The following LRTM3 variants were observed in gnomAD, a reference collection of about 807,000 sequenced individuals.
LRTM3 encodes leucine-rich repeat transmembrane protein 3.
At chr13:102,743,534 A>C in the LRTM3 span, 3 of 1,548,814 alleles carry the variant, frequency 1.9e-6, no homozygotes, top group Admixed American at 4.0e-5. Flanking sequence ...TTTGGGATTC[A>C]ATATAATTTT....
chr13:102,734,989 T>A, the LRTM3 span: 3 of 1,551,040 alleles, frequency 1.9e-6, no homozygotes, highest in Non-Finnish European at 2.6e-6. Flanking sequence ...ATACCTGGAG[T>A]TTTACTAGGG....
At chr13:102,746,663 C>T in the LRTM3 span, 2 of 1,551,166 alleles carry the variant, frequency 1.3e-6, no homozygotes, top group Non-Finnish European at 1.7e-6. Flanking sequence ...CACTTTAGAA[C>T]AAGATAAAAC....
the LRTM3 span, among the ~76,000 whole-genome samples, chr13:102,751,251 C>T: frequency 1.3e-5 from 2 of 151,930 alleles, no homozygotes; most frequent in African/African-American, 4.8e-5. Flanking sequence ...AGCAGACAGC[C>T]TTTTGACTTA....
At chr13:102,731,841 C>T in the LRTM3 span, 3 of 1,549,636 alleles carry the variant, frequency 1.9e-6, no homozygotes, top group Non-Finnish European at 2.6e-6. Flanking sequence ...AACTTTGGAT[C>T]TTCAAGCATA....
At chr13:102,736,113 C>A in the LRTM3 span, 1 of 1,541,102 alleles carries the variant, frequency 6.5e-7, no homozygotes, top group Non-Finnish European at 8.8e-7. Flanking sequence ...CTAATACCTT[C>A]ATTTGAATTT....
chr13:102,747,300 C>T, the LRTM3 span: 1 of 1,549,088 alleles, frequency 6.5e-7, no homozygotes, highest in Non-Finnish European at 8.7e-7. Flanking sequence ...ATACCTGCTG[C>T]AATTTTATCT....
At chr13:102,738,247 A>G in the LRTM3 span, 1 of 1,550,366 alleles carries the variant, frequency 6.5e-7, no homozygotes, top group Admixed American at 2.0e-5. Flanking sequence ...GTTGCATGTA[A>G]TCTTTTGCTT....
At chr13:102,743,049 G>A in the LRTM3 span, 1 of 1,549,810 alleles carries the variant, frequency 6.5e-7, no homozygotes, top group Non-Finnish European at 8.7e-7. Context: ...TCTCCCAAAA[G>A]CACATCCTCT....
chr13:102,736,287 A>G, the LRTM3 span: 2 of 1,551,050 alleles, frequency 1.3e-6, no homozygotes, highest in East Asian at 4.9e-5. Context: ...TTCATGCCCC[A>G]CTGTGGCTCC....
the LRTM3 span, chr13:102,748,996 C>T: frequency 8.9e-5 from 138 of 1,550,638 alleles, no homozygotes; most frequent in African/African-American, 9.6e-5. Context: ...TTATTAAACC[C>T]GGCATGACTT....
chr13:102,745,200 G>A, the LRTM3 span: 16 of 1,550,770 alleles, frequency 1.0e-5, no homozygotes, highest in East Asian at 1.2e-4. Flanking sequence ...AACATGAAAT[G>A]TTGCAGGTGC....
chr13:102,732,496 T>C, the LRTM3 span: 17 of 1,551,064 alleles, frequency 1.1e-5, 1 homozygote, highest in South Asian at 1.5e-4. Flanking sequence ...GAGGAACATA[T>C]GAATAAAATG....
the LRTM3 span, chr13:102,740,076 G>T: frequency 1.9e-6 from 3 of 1,549,964 alleles, no homozygotes; most frequent in East Asian, 7.3e-5. Context: ...GAAAGAGAAT[G>T]TAATGTTATA....
At chr13:102,757,610 T>C in the LRTM3 span, among the ~76,000 whole-genome samples, 1 of 152,374 alleles carries the variant, frequency 6.6e-6, no homozygotes, top group East Asian at 1.9e-4. Flanking sequence ...TGTCCTGGAA[T>C]GTCTTTCTTA....
chr13:102,749,066 A>G, the LRTM3 span: 1 of 1,550,398 alleles, frequency 6.4e-7, no homozygotes, highest in East Asian at 2.4e-5. Flanking sequence ...GGAAACAGAA[A>G]TAAGATGCAA....
chr13:102,746,110 G>A, the LRTM3 span: 1 of 1,551,094 alleles, frequency 6.4e-7, no homozygotes, highest in East Asian at 2.4e-5. Flanking sequence ...GACCCATTTG[G>A]AGACTAGTCT....
At chr13:102,734,660 C>G in the LRTM3 span, 3 of 1,551,128 alleles carry the variant, frequency 1.9e-6, no homozygotes, top group Admixed American at 5.9e-5. Context: ...GACGGACTCT[C>G]TATGTACAGT....
the LRTM3 span, chr13:102,743,009 T>G: frequency 2.8e-3 from 4,284 of 1,546,732 alleles, 8 homozygotes; most frequent in Non-Finnish European, 3.5e-3. Context: ...TGAATTCCCT[T>G]TGTAAATCTG....
the LRTM3 span, chr13:102,734,064 C>T: frequency 1.9e-6 from 3 of 1,551,416 alleles, no homozygotes; most frequent in South Asian, 1.2e-5. Flanking sequence ...ACCACACATG[C>T]TTCATCTTTA....
Sources: allele counts gnomAD v4.1 joint callset (sites outside exome capture counted in the v4.1 genomes callset), GRCh38; gene constraint gnomAD v4.1.1; transcripts MANE v1.5; gene names NCBI Gene and HGNC (gene_info 2026-07-23, HGNC 2026-07-21).